The following ZBTB43 variants were observed in gnomAD, a reference collection of about 807,000 sequenced individuals.
The protein encoded by ZBTB43 is zinc finger and BTB domain containing 43.
Under a neutral mutation model 31.1 loss-of-function variants are expected in ZBTB43, and 6 were observed. The observed-to-expected ratio is 0.19, with a 90% CI of 0.11 to 0.38. ZBTB43 has a LOEUF of 0.38. Among genes scored for constraint, ZBTB43 ranks in the 10% least tolerant of loss-of-function variants. The probability of loss-of-function intolerance (pLI) is 1.00; values close to 1 mark genes in which losing one functional copy is unlikely to be tolerated. For synonymous variants in ZBTB43, 212 were observed against 221.7 expected, an observed-to-expected ratio of 0.96 and a Z score of 0.39; for missense variants, 379 against 602.1, an observed-to-expected ratio of 0.63 and a Z score of 3.88.
chr9:126,829,004 G>T (rs2032711345), intron 2 of ZBTB43, among the ~76,000 whole-genome samples: 1 of 152,164 alleles, frequency 6.6e-6, no homozygotes, highest in African/African-American at 2.4e-5. Flanking sequence ...AATGAATCAT[G>T]TCACTTAGGA....
intron 2 of ZBTB43, among the ~76,000 whole-genome samples, chr9:126,825,686 C>G (rs1588363325): frequency 6.6e-6 from 1 of 152,182 alleles, no homozygotes; most frequent in South Asian, 2.1e-4. Context: ...TTAATTACCT[C>G]CTAAAGGCTC....
intron 2 of ZBTB43, among the ~76,000 whole-genome samples, chr9:126,824,408 C>A (rs2032584628): frequency 6.6e-6 from 1 of 152,156 alleles, no homozygotes; most frequent in Admixed American, 6.5e-5. Flanking sequence ...GTCTAGGGTT[C>A]TTTTATCTCA....
At position 126,825,458 on chromosome 9, in the gene ZBTB43, G is replaced by A. The variant is rs144169156; in HGVS notation, c.-23-7029G>A. Among the ~76,000 whole-genome samples, 274 of 152,296 alleles carry A rather than the reference G, an allele frequency of 1.8e-3. 2 individuals are homozygous for A. Among genetic ancestry groups the A allele is most frequent in the African/African-American group, 6.3e-3 (262 of 41,564 alleles). On this transcript the variant is annotated intron_variant, in intron 2 of 2. Coordinates refer to ENST00000373464, the MANE Select transcript of ZBTB43 (RefSeq NM_014007.4). ...AACAATGGAAATGTATTTTCTCACA[G>A]TTCTGGAAGTGGGCAGTCTGTGATC...
chr9:126,833,312 A>G lies in ZBTB43; in HGVS notation c.803A>G (p.Gln268Arg). Residue 268 changes from glutamine to arginine, a missense_variant, in exon 3 of 3, where the codon CAG (glutamine) becomes CGG (arginine). Around this residue, in one of 5 missense-constraint regions of ZBTB43, gnomAD observed 253 missense variants for 322.3 expected, o/e 0.79. Coordinates refer to ENST00000373464, the MANE Select transcript of ZBTB43 (RefSeq NM_014007.4). This position sits in a 1 kb window ranked among gnomAD's most constrained non-coding sequence, Gnocchi z 7.9. ...MDVHATYDEHQVTESINTVQT... is the reference protein window; with the variant it reads ...MDVHATYDEHRVTESINTVQT... ...GTGCACGCGACCTACGACGAGCACC[A>G]GGTCACAGAGTCCATCAACACCGTG... The G allele has an allele frequency of 6.2e-7, 1 of 1,612,884 alleles. No homozygotes were observed. Among genetic ancestry groups the G allele is most frequent in the Non-Finnish European group, 8.5e-7 (1 of 1,179,434 alleles).
chr9:126,810,574 C>T (rs2032224779), intron 2 of ZBTB43, among the ~76,000 whole-genome samples: 1 of 140,624 alleles, frequency 7.1e-6, no homozygotes, highest in Non-Finnish European at 1.5e-5. Flanking sequence ...GATCTTGGCT[C>T]ACTGCGACCT....
intron 2 of ZBTB43, among the ~76,000 whole-genome samples, chr9:126,830,843 A>G (rs556823015): frequency 1.3e-5 from 2 of 152,144 alleles, no homozygotes; most frequent in East Asian, 3.9e-4. Flanking sequence ...ATTGTTTCTA[A>G]TGCTTGACTT....
Position 126,811,356 on chromosome 9 carries a change from C to G in ZBTB43, c.-24+2441C>G, listed in dbSNP as rs79695607. Among the ~76,000 whole-genome samples the G allele has an allele frequency of 2.0e-5, 3 of 152,018 alleles. No homozygotes were observed. In the East Asian group the frequency reaches 5.8e-4, roughly 29 times the overall value. On this transcript the variant is annotated intron_variant, in intron 2 of 2. Coordinates refer to ENST00000373464, the MANE Select transcript of ZBTB43 (RefSeq NM_014007.4). ...AGTTATATGACCTTAAGTTGCTTAG[C>G]TTTTTTGTCTATCTCCAATTCTGTA...
chr9:126,819,188 A>G (rs2119135038), intron 2 of ZBTB43, among the ~76,000 whole-genome samples: 1 of 152,156 alleles, frequency 6.6e-6, no homozygotes, highest in South Asian at 2.1e-4. Context: ...ATGGTCTAAC[A>G]CATGATCTAT....
chr9:126,824,283 C>G (rs1434104533), intron 2 of ZBTB43, among the ~76,000 whole-genome samples: 2 of 152,220 alleles, frequency 1.3e-5, no homozygotes, highest in Non-Finnish European at 2.9e-5. Flanking sequence ...CCTTGGCCTT[C>G]CAAAGTGCTG....
chr9:126,829,587 T>G (rs1277816289), intron 2 of ZBTB43, among the ~76,000 whole-genome samples: 1 of 152,180 alleles, frequency 6.6e-6, no homozygotes, highest in South Asian at 2.1e-4. Context: ...TTTTAAAGGA[T>G]GTATATGATT....
At chr9:126,817,697 C>T (rs1373038945) in intron 2 of ZBTB43, among the ~76,000 whole-genome samples, 2 of 151,146 alleles carry the variant, frequency 1.3e-5, no homozygotes, top group Non-Finnish European at 2.9e-5. Context: ...AGGATGGTCT[C>T]GATCTCCTGA....
rs774119553 is a variant in ZBTB43, at chr9:126,836,336, T to C, written c.*2423T>C. On this transcript the variant is annotated 3_prime_UTR_variant, in exon 3 of 3. Transcript: ENST00000373464. ...GAAGAGTGTCTTCTTGAAAGCCTTA[T>C]GTGTCCATCAGCTACTAAATGTAGA... The C allele has an allele frequency of 1.8e-5, 3 of 167,028 alleles. No homozygotes were observed. The highest frequency in any genetic ancestry group is 4.4e-5 in the Non-Finnish European group (3 of 68,120). The allele number at this position is 167,028 out of a possible 1,614,324, so 10.3% of individuals were successfully genotyped here.
intron 1 of ZBTB43, among the ~76,000 whole-genome samples, chr9:126,807,031 C>T (rs2032140903): frequency 1.3e-5 from 2 of 152,214 alleles, no homozygotes; most frequent in Non-Finnish European, 1.5e-5. Flanking sequence ...TCTTGAGTTT[C>T]GTTATGGGGG....
At chr9:126,821,341 A>G (rs576404329) in intron 2 of ZBTB43, among the ~76,000 whole-genome samples, 22 of 152,170 alleles carry the variant, frequency 1.4e-4, no homozygotes, top group African/African-American at 4.8e-4. Context: ...GCACCACTGC[A>G]CTCCAGCCTG....
At position 126,836,388 on chromosome 9, in the gene ZBTB43, CT is replaced by C. The variant is rs2032879191; in HGVS notation, c.*2479del. 1 of 166,946 alleles carries C rather than the reference CT, an allele frequency of 6.0e-6. No homozygotes were observed. Among genetic ancestry groups the C allele is most frequent in the South Asian group, 2.1e-4 (1 of 4,822 alleles). The allele number at this position is 166,946 out of a possible 1,614,324, so 10.3% of individuals were successfully genotyped here. A position where few individuals can be genotyped will look rare whatever the true frequency, so the allele number is the denominator to read the frequency against. The stretch of plus-strand genomic sequence containing the variant: ...CTTAAATAAGTTGCTCACATCTGTT[CT>C]TTTAGTGTTTTGTGGTATTTGAGGT... On this transcript the variant is annotated 3_prime_UTR_variant, in exon 3 of 3. Transcript: ENST00000373464.
intron 2 of ZBTB43, among the ~76,000 whole-genome samples, chr9:126,816,896 T>G (rs548484306): frequency 2.0e-5 from 3 of 152,252 alleles, no homozygotes; most frequent in East Asian, 1.9e-4. Flanking sequence ...ATTTTTTCCT[T>G]CTGCCAAGGT....
At position 126,838,128 on chromosome 9, in the gene ZBTB43, G is replaced by GT. The variant is rs2032922173; in HGVS notation, c.*4218dup. 1 of 166,416 alleles carries GT rather than the reference G, an allele frequency of 6.0e-6. No homozygotes were observed. Among genetic ancestry groups the GT allele is most frequent in the Non-Finnish European group, 1.5e-5 (1 of 68,104 alleles). The allele number at this position is 166,416 out of a possible 1,614,324, so 10.3% of individuals were successfully genotyped here. ...TGGTTTTACTTAATTGAATGTTAATGTTTAATATTTTCTTCTTATAGAAGA... is the reference window on the plus strand; with the variant it reads ...TGGTTTTACTTAATTGAATGTTAATGTTTTAATATTTTCTTCTTATAGAAGA... On this transcript the variant is annotated 3_prime_UTR_variant, in exon 3 of 3. Coordinates refer to ENST00000373464, the MANE Select transcript of ZBTB43 (RefSeq NM_014007.4).
At chr9:126,806,008 G>A (rs1390535067) in intron 1 of ZBTB43, among the ~76,000 whole-genome samples, 1 of 152,202 alleles carries the variant, frequency 6.6e-6, no homozygotes, top group Non-Finnish European at 1.5e-5. Flanking sequence ...GTGTCAGAGT[G>A]CAGGAGAGCC....
intron 1 of ZBTB43, among the ~76,000 whole-genome samples, chr9:126,807,356 T>C (rs1011463948): frequency 6.6e-6 from 1 of 152,218 alleles, no homozygotes; most frequent in African/African-American, 2.4e-5. Flanking sequence ...TTGGTTAAAG[T>C]GTTCGTTAAA....
Sources: gnomAD v4.1 joint callset for allele counts (sites outside exome capture counted in the v4.1 genomes callset) on GRCh38, gnomAD v4.1.1 for gene constraint, gnomAD v4.1.1 regional missense constraint, Gnocchi (gnomAD v3.1) non-coding constraint, MANE v1.5 for transcripts, NCBI Gene and HGNC (gene_info 2026-07-23, HGNC 2026-07-21) for gene names.